HPSE2: variants seen among roughly 807,000 people sequenced by gnomAD.
HPSE2 encodes the protein heparanase 2 (inactive), also known as inactive heparanase-2.
HPSE2 carries 38 observed loss-of-function variants against 60.5 expected under a neutral mutation model. The observed-to-expected ratio is 0.63, with a 90% CI of 0.48 to 0.82. HPSE2 has a LOEUF of 0.82. Among genes scored for constraint, HPSE2 ranks in the 40% least tolerant of loss-of-function variants. The probability of loss-of-function intolerance (pLI) is 0.00; values close to 1 mark genes in which losing one functional copy is unlikely to be tolerated. For missense variants in HPSE2, 713 were observed against 740.4 expected (o/e 0.96, Z 0.43); for synonymous variants, 295 against 293.2 (o/e 1.01, Z -0.06).
chr10:98,778,325 C>T (rs1429561233), intron 3 of HPSE2, among the ~76,000 whole-genome samples: 1 of 116,114 alleles, frequency 8.6e-6, no homozygotes. Flanking sequence ...TAGCCAAAGC[C>T]TTTATTGGGA....
chr10:98,535,320 G>T (rs1343451546), intron 9 of HPSE2, among the ~76,000 whole-genome samples: 2 of 151,548 alleles, frequency 1.3e-5, no homozygotes, highest in Admixed American at 6.6e-5. Context: ...ACATATTTTT[G>T]TTTGTTTTTT....
chr10:99,093,527 G>C (rs1843590766), intron 3 of HPSE2, among the ~76,000 whole-genome samples: 1 of 152,110 alleles, frequency 6.6e-6, no homozygotes, highest in African/African-American at 2.4e-5. Flanking sequence ...TGGGGGTTGA[G>C]AAGTCTAAGG....
At chr10:98,749,442 TATAC>T (rs1949703051) in intron 3 of HPSE2, among the ~76,000 whole-genome samples, 1 of 151,540 alleles carries the variant, frequency 6.6e-6, no homozygotes, top group African/African-American at 2.4e-5. Flanking sequence ...GTTCTGTATA[TATAC>T]ATATATGCAT....
chr10:99,114,014 T>C (rs535495965), intron 3 of HPSE2, among the ~76,000 whole-genome samples: 1 of 152,314 alleles, frequency 6.6e-6, no homozygotes, highest in South Asian at 2.1e-4. Context: ...TTACTTTAAG[T>C]CCACTTAGCT....
chr10:98,782,902 C>CTG (rs1554993643), intron 3 of HPSE2, among the ~76,000 whole-genome samples: 1 of 43,880 alleles, frequency 2.3e-5, no homozygotes, highest in Non-Finnish European at 6.0e-5. Flanking sequence ...GTCTACTTCC[C>CTG]TGTTTGTTTA....
intron 7 of HPSE2, among the ~76,000 whole-genome samples, chr10:98,625,104 G>A (rs368422657): frequency 2.0e-5 from 3 of 152,366 alleles, no homozygotes; most frequent in African/African-American, 7.2e-5. Context: ...GAGACTGTGT[G>A]TAACACAAAG....
chr10:98,603,431 G>GTT lies in HPSE2; in HGVS notation c.1320+11471_1320+11472dup, dbSNP rs1466185307. Reference sequence around the variant, plus strand: ...ATTTTGAAATACGCCAGAGCACTCTGTTTTTTTGTTTTTTTTTTTGACAGA... The same window carrying GTT: ...ATTTTGAAATACGCCAGAGCACTCTGTTTTTTTTTGTTTTTTTTTTTGACAGA... On this transcript the variant is annotated intron_variant, in intron 9 of 11. Coordinates refer to ENST00000370552, the MANE Select transcript of HPSE2 (RefSeq NM_021828.5). 5.9e-3 allele frequency among the ~76,000 whole-genome samples: 158 copies of GTT among 26,846 alleles called. 1 individual carries two copies. In the East Asian group the frequency reaches 0.31, roughly 53 times the overall value. 17.6% of individuals were successfully genotyped at this position (26,846 alleles called of 152,430 possible).
At chr10:98,518,712 GA>G (rs56091142) in intron 9 of HPSE2, among the ~76,000 whole-genome samples, 186 of 147,176 alleles carry the variant, frequency 1.3e-3, no homozygotes, top group African/African-American at 4.4e-3. Flanking sequence ...ATCCCACGAG[GA>G]AAAAAAAAAA....
At chr10:98,788,790 G>T (rs1222632345) in intron 3 of HPSE2, among the ~76,000 whole-genome samples, 4 of 151,010 alleles carry the variant, frequency 2.6e-5, no homozygotes, top group Admixed American at 6.6e-5. Flanking sequence ...GCAATGCCTC[G>T]CCCTGCTTCG....
intron 3 of HPSE2, among the ~76,000 whole-genome samples, chr10:99,012,203 C>T (rs1957033812): frequency 6.6e-6 from 1 of 151,946 alleles, no homozygotes; most frequent in African/African-American, 2.4e-5. Flanking sequence ...TAATTTTAAT[C>T]ACAATTTATG....
chr10:98,752,563 A>G (rs1044177384), intron 3 of HPSE2, among the ~76,000 whole-genome samples: 1 of 152,198 alleles, frequency 6.6e-6, no homozygotes. Flanking sequence ...GGGATTGCAG[A>G]ACAAAATGTA....
intron 3 of HPSE2, among the ~76,000 whole-genome samples, chr10:98,957,428 A>G (rs757212577): frequency 4.6e-5 from 7 of 152,174 alleles, no homozygotes; most frequent in Non-Finnish European, 7.3e-5. Context: ...TGCAGAACAG[A>G]GTGCTACAGC....
intron 9 of HPSE2, among the ~76,000 whole-genome samples, chr10:98,552,111 T>C (rs1290772153): frequency 6.6e-6 from 1 of 152,086 alleles, no homozygotes; most frequent in Non-Finnish European, 1.5e-5. Flanking sequence ...ACTAACAGGA[T>C]GATGATGCTC....
At chr10:98,887,922 T>TAATAATAAG (rs1180533143) in intron 3 of HPSE2, among the ~76,000 whole-genome samples, 2 of 149,306 alleles carry the variant, frequency 1.3e-5, no homozygotes, top group Non-Finnish European at 3.0e-5. Flanking sequence ...ACTTAATGTA[T>TAATAATAAG]AATAATAATA....
intron 3 of HPSE2, among the ~76,000 whole-genome samples, chr10:98,756,650 A>G (rs551149634): frequency 3.9e-4 from 59 of 152,314 alleles, no homozygotes; most frequent in Admixed American, 1.4e-3. Context: ...ACAGACCAAT[A>G]ACAAGTTCTA....
At chr10:98,612,808 G>T (rs756664369) in intron 9 of HPSE2, among the ~76,000 whole-genome samples, 13 of 152,152 alleles carry the variant, frequency 8.5e-5, no homozygotes, top group African/African-American at 7.2e-5. Context: ...GTTAGATCAG[G>T]TTACTTCCCT....
chr10:99,284,998 C>T, the HPSE2 span, among the ~76,000 whole-genome samples: 321 of 152,234 alleles, frequency 2.1e-3, 5 homozygotes, highest in Non-Finnish European at 6.6e-4. Context: ...GAATATATAA[C>T]GAACTCTGAC....
At chr10:98,584,643 T>A (rs1944890786) in intron 9 of HPSE2, among the ~76,000 whole-genome samples, 1 of 152,200 alleles carries the variant, frequency 6.6e-6, no homozygotes, top group Admixed American at 6.6e-5. Flanking sequence ...CCTTAGCTAA[T>A]CTTAACTAAG....
rs539849591 is a variant in HPSE2 at position 98,562,712 on chromosome 10, C to T, written c.1320+52192G>A. On this transcript the variant is annotated intron_variant, in intron 9 of 11. Transcript: ENST00000370552. ...CCTGGCGAACAGAGTGAGACTCTGT[C>T]TCAAAAAAAAAAAAAAAAAAAAAAT... 3.9e-4 allele frequency among the ~76,000 whole-genome samples: 15 copies of T among 38,088 alleles called. No homozygotes were observed. In the Admixed American group the frequency reaches 4.9e-3, roughly 12 times the overall value. The allele number at this position is 38,088 out of a possible 152,430, so 25.0% of individuals were successfully genotyped here.
Sources: gnomAD v4.1 joint callset for allele counts (sites outside exome capture counted in the v4.1 genomes callset) on GRCh38, gnomAD v4.1.1 for gene constraint, MANE v1.5 for transcripts, NCBI Gene and HGNC (gene_info 2026-07-23, HGNC 2026-07-21) for gene names.